The following SGCD variants were observed in gnomAD, a reference collection of about 807,000 sequenced individuals.
SGCD encodes sarcoglycan delta.
In SGCD, 18 loss-of-function variants were observed where a neutral mutation model predicts 36.6. The observed-to-expected ratio is 0.49, with a 90% CI of 0.34 to 0.73. The LOEUF (loss-of-function observed/expected upper bound fraction) is 0.73. SGCD is among the 30% of genes least tolerant of loss of function. The probability of loss-of-function intolerance (pLI) is 0.01; values close to 1 mark genes in which losing one functional copy is unlikely to be tolerated. For synonymous variants in SGCD, 133 were observed against 130.6 expected (o/e 1.02, Z -0.12); for missense variants, 387 against 346.7 (o/e 1.12, Z -0.92).
intron 5 of SGCD, among the ~76,000 whole-genome samples, chr5:156,594,604 C>A (rs181540483): frequency 3.9e-5 from 6 of 152,118 alleles, no homozygotes; most frequent in Non-Finnish European, 8.8e-5. Flanking sequence ...AAGCAAAAAT[C>A]CACAACTATT....
At chr5:156,268,285 G>T (rs1353856965) in intron 3 of SGCD, among the ~76,000 whole-genome samples, 1 of 152,074 alleles carries the variant, frequency 6.6e-6, no homozygotes, top group Admixed American at 6.5e-5. Context: ...GAATAGTTCT[G>T]CAGTGAACAT....
intron 1 of SGCD, among the ~76,000 whole-genome samples, chr5:155,954,102 A>G (rs1008297663): frequency 1.3e-5 from 2 of 152,182 alleles, no homozygotes; most frequent in Non-Finnish European, 2.9e-5. Flanking sequence ...AATCTTGTCT[A>G]TTGACTTCTA....
rs374672420 is a variant in SGCD, at chr5:155,920,642, G to A, written c.-282+50218G>A. Among the ~76,000 whole-genome samples, 36 of 152,292 alleles carry A rather than the reference G, an allele frequency of 2.4e-4. 1 individual carries two copies. Among genetic ancestry groups the A allele is most frequent in the South Asian group, 2.1e-3 (10 of 4,824 alleles). ...AGCTCTGGATGGCACATCAGAGTCCGAAATTTGAGGCTCTTGCCTTCTTGG... is the reference window on the plus strand; with the variant it reads ...AGCTCTGGATGGCACATCAGAGTCCAAAATTTGAGGCTCTTGCCTTCTTGG... On this transcript the variant is annotated intron_variant, in intron 1 of 9. Transcript: ENST00000517913.
the SGCD span, among the ~76,000 whole-genome samples, chr5:155,850,646 A>G: frequency 2.6e-5 from 4 of 152,186 alleles, no homozygotes; most frequent in Non-Finnish European, 4.4e-5. Flanking sequence ...GAGTGATTAT[A>G]TAGAAACTGT....
chr5:156,581,514 C>T (rs1200175371), intron 4 of SGCD, among the ~76,000 whole-genome samples: 1 of 152,128 alleles, frequency 6.6e-6, no homozygotes, highest in Non-Finnish European at 1.5e-5. Flanking sequence ...TCAGCTATAC[C>T]CTGCCCCCTG....
At chr5:156,495,458 A>G (rs747184456) in intron 3 of SGCD, among the ~76,000 whole-genome samples, 2 of 152,192 alleles carry the variant, frequency 1.3e-5, no homozygotes, top group Non-Finnish European at 2.9e-5. Flanking sequence ...GTAACTTGAA[A>G]TCTCATAAAA....
chr5:156,514,549 AT>A (rs1757078249), intron 4 of SGCD, among the ~76,000 whole-genome samples: 1 of 152,240 alleles, frequency 6.6e-6, no homozygotes. Flanking sequence ...TATTGAGAGT[AT>A]TTATGTCTTT....
intron 3 of SGCD, among the ~76,000 whole-genome samples, chr5:156,199,976 A>G (rs1764105867): frequency 6.6e-6 from 1 of 152,116 alleles, no homozygotes. Context: ...ATGTTCTAGG[A>G]ATCTACTAAA....
intron 3 of SGCD, among the ~76,000 whole-genome samples, chr5:156,374,886 G>A (rs1770575737): frequency 6.6e-6 from 1 of 152,122 alleles, no homozygotes; most frequent in Admixed American, 6.5e-5. Flanking sequence ...ATTCAGCTCT[G>A]AGAATAGCAA....
intron 4 of SGCD, among the ~76,000 whole-genome samples, chr5:156,573,956 G>A (rs1027428117): frequency 2.0e-5 from 3 of 152,096 alleles, no homozygotes; most frequent in African/African-American, 7.2e-5. Flanking sequence ...GCCTCCCAGA[G>A]CATTGGGATT....
At chr5:156,078,601 A>G (rs542851207) in intron 1 of SGCD, among the ~76,000 whole-genome samples, 2 of 145,658 alleles carry the variant, frequency 1.4e-5, no homozygotes, top group Non-Finnish European at 3.0e-5. Flanking sequence ...ATATTTATAT[A>G]TTTTTATATA....
intron 3 of SGCD, among the ~76,000 whole-genome samples, chr5:156,218,238 C>A (rs758588470): frequency 6.6e-6 from 1 of 151,686 alleles, no homozygotes; most frequent in Non-Finnish European, 1.5e-5. Flanking sequence ...GGCAACAGAG[C>A]GAGACTCCAT....
At position 156,762,162 on chromosome 5, in the gene SGCD, A is replaced by G. The variant is rs552778484; in HGVS notation, c.*2772A>G. 50 of 152,696 alleles carry G rather than the reference A, an allele frequency of 3.3e-4. No homozygotes were observed. Among genetic ancestry groups the G allele is most frequent in the African/African-American group, 1.2e-3 (50 of 41,552 alleles). 9.5% of individuals were successfully genotyped at this position (152,696 alleles called of 1,614,324 possible). The stretch of plus-strand genomic sequence containing the variant: ...ACTAACGCCTACTTTTTAAAAAATG[A>G]GATTCTTTCTAATCTTTATATATGA... On this transcript the variant is annotated 3_prime_UTR_variant, in exon 9 of 9. Transcript: ENST00000337851.
At chr5:156,399,742 A>G (rs1343745050) in intron 3 of SGCD, among the ~76,000 whole-genome samples, 2 of 152,170 alleles carry the variant, frequency 1.3e-5, no homozygotes, top group Non-Finnish European at 2.9e-5. Flanking sequence ...TGTGGACTTC[A>G]CACATAACAT....
intron 7 of SGCD, among the ~76,000 whole-genome samples, chr5:156,691,151 G>A (rs767693657): frequency 3.2e-5 from 4 of 124,590 alleles, no homozygotes; most frequent in African/African-American, 1.2e-4. Context: ...AGGTTGCAGT[G>A]AGCCGAGATT....
At chr5:156,392,731 C>A (rs2127756171) in intron 3 of SGCD, among the ~76,000 whole-genome samples, 1 of 152,238 alleles carries the variant, frequency 6.6e-6, no homozygotes, top group East Asian at 1.9e-4. Flanking sequence ...GTAGGGTAGC[C>A]AGAAGGCAGA....
chr5:156,101,538 C>A (rs574931838), intron 1 of SGCD, among the ~76,000 whole-genome samples: 1 of 152,084 alleles, frequency 6.6e-6, no homozygotes, highest in South Asian at 2.1e-4. Context: ...CCTAATGAAT[C>A]GTTATTGCCC....
chr5:156,076,177 T>A (rs1020026271), intron 1 of SGCD, among the ~76,000 whole-genome samples: 1 of 152,132 alleles, frequency 6.6e-6, no homozygotes, highest in Admixed American at 6.5e-5. Flanking sequence ...CTGCCATTTC[T>A]GTTTTGCTCT....
chr5:156,531,270 C>A (rs115639135), intron 4 of SGCD, among the ~76,000 whole-genome samples: 300 of 152,322 alleles, frequency 2.0e-3, no homozygotes, highest in African/African-American at 6.9e-3. Flanking sequence ...CCTGCTGGAA[C>A]CATGATCTTA....
Sources: allele counts gnomAD v4.1 joint callset (sites outside exome capture counted in the v4.1 genomes callset), GRCh38; gene constraint gnomAD v4.1.1; transcripts MANE v1.5; gene names NCBI Gene and HGNC (gene_info 2026-07-23, HGNC 2026-07-21).